Variants in CDK19 observed in about 807,000 individuals in gnomAD.
CDK19 encodes the protein cyclin-dependent kinase 19.
In CDK19, 20 loss-of-function variants were observed where a neutral mutation model predicts 68.3. The observed-to-expected ratio is 0.29, with a 90% CI of 0.21 to 0.43. CDK19 has a LOEUF of 0.43. Among genes scored for constraint, CDK19 ranks in the 20% least tolerant of loss-of-function variants. The pLI is 1.00. For missense variants in CDK19, 339 were observed against 623.5 expected (o/e 0.54, Z 4.86); for synonymous variants, 221 against 222.8 (o/e 0.99, Z 0.07).
At chr6:110,731,327 C>T (rs1465567551) in intron 2 of CDK19, among the ~76,000 whole-genome samples, 4 of 152,226 alleles carry the variant, frequency 2.6e-5, no homozygotes, top group Non-Finnish European at 4.4e-5. Context: ...TGTGGGATCA[C>T]TGGCTGTGAT....
Position 110,796,142 on chromosome 6 carries a change from T to C in CDK19, c.128+18867A>G, listed in dbSNP as rs554508815. Among the ~76,000 whole-genome samples the C allele has an allele frequency of 3.3e-4, 50 of 152,120 alleles. No individual in the cohort carries two copies. In the Middle Eastern group the frequency reaches 0.01, roughly 31 times the overall value. ...TCATGAGGTCAAGAGATCGAGACCA[T>C]CCTGGCCAACATGGAGAAACCCGGT... On this transcript the variant is annotated intron_variant, in intron 1 of 12. Coordinates refer to ENST00000368911, the MANE Select transcript of CDK19 (RefSeq NM_015076.5).
At chr6:110,803,816 G>C (rs1782491419) in intron 1 of CDK19, among the ~76,000 whole-genome samples, 2 of 152,078 alleles carry the variant, frequency 1.3e-5, no homozygotes, top group Non-Finnish European at 2.9e-5. Flanking sequence ...AGAAATGCAA[G>C]AATTAATCAG....
intron 1 of CDK19, among the ~76,000 whole-genome samples, chr6:110,802,338 T>C (rs1025574725): frequency 6.6e-6 from 1 of 152,220 alleles, no homozygotes; most frequent in Non-Finnish European, 1.5e-5. Flanking sequence ...TGGAATACTA[T>C]GCAGCCATAA....
chr6:110,687,789 G>A (rs1273646218), intron 2 of CDK19, among the ~76,000 whole-genome samples: 1 of 152,098 alleles, frequency 6.6e-6, no homozygotes, highest in African/African-American at 2.4e-5. Context: ...AAAGAATCTA[G>A]AAATCACTAA....
intron 1 of CDK19, among the ~76,000 whole-genome samples, chr6:110,765,361 A>G (rs1340171281): frequency 6.8e-6 from 1 of 146,900 alleles, no homozygotes; most frequent in Admixed American, 6.8e-5. Flanking sequence ...CCTGGGTGAC[A>G]GAGTGAGAAT....
chr6:110,721,349 C>A (rs1459618732), intron 2 of CDK19, among the ~76,000 whole-genome samples: 1 of 151,950 alleles, frequency 6.6e-6, no homozygotes, highest in African/African-American at 2.4e-5. Context: ...TGTTAGAGGC[C>A]TTCATTTTTC....
At chr6:110,738,468 C>T (rs746880423) in intron 2 of CDK19, among the ~76,000 whole-genome samples, 1 of 151,874 alleles carries the variant, frequency 6.6e-6, no homozygotes, top group Non-Finnish European at 1.5e-5. Context: ...TGCAGTGAGC[C>T]GAGATCGCGC....
intron 2 of CDK19, among the ~76,000 whole-genome samples, chr6:110,677,777 C>T (rs565887471): frequency 6.6e-6 from 1 of 152,092 alleles, no homozygotes; most frequent in Non-Finnish European, 1.5e-5. Context: ...AATGTTTTAA[C>T]TGTTTGCATC....
chr6:110,635,892 G>A (rs1779747246), intron 5 of CDK19, among the ~76,000 whole-genome samples: 1 of 152,168 alleles, frequency 6.6e-6, no homozygotes, highest in South Asian at 2.1e-4. Context: ...ATTAGGCATA[G>A]GCATTGGTAT....
At chr6:110,806,543 GAT>G (rs1482084296) in intron 1 of CDK19, among the ~76,000 whole-genome samples, 1 of 152,044 alleles carries the variant, frequency 6.6e-6, no homozygotes, top group African/African-American at 2.4e-5. Context: ...TGCTTACTAG[GAT>G]ATTCACTTCA....
chr6:110,786,113 T>C (rs547298636), intron 1 of CDK19, among the ~76,000 whole-genome samples: 9 of 152,342 alleles, frequency 5.9e-5, no homozygotes, highest in African/African-American at 1.9e-4. Flanking sequence ...TTTCAGTGTC[T>C]GTATCATAGA....
chr6:110,758,212 G>C (rs1778959407), intron 1 of CDK19, among the ~76,000 whole-genome samples: 1 of 151,978 alleles, frequency 6.6e-6, no homozygotes, highest in Non-Finnish European at 1.5e-5. Flanking sequence ...CAACAAAAAG[G>C]AGTTAAAAAG....
chr6:110,685,260 T>C (rs1172810460), intron 2 of CDK19, among the ~76,000 whole-genome samples: 2 of 152,214 alleles, frequency 1.3e-5, no homozygotes, highest in African/African-American at 4.8e-5. Flanking sequence ...AACTAGTATA[T>C]ACACAGGTGC....
chr6:110,758,040 A>T (rs1025486261), intron 1 of CDK19, among the ~76,000 whole-genome samples: 2 of 151,996 alleles, frequency 1.3e-5, no homozygotes, highest in East Asian at 1.9e-4. Context: ...AAAAATTTAA[A>T]AATTGGCTGT....
intron 1 of CDK19, among the ~76,000 whole-genome samples, chr6:110,790,794 T>C (rs1048142398): frequency 6.6e-6 from 1 of 152,130 alleles, no homozygotes; most frequent in Non-Finnish European, 1.5e-5. Context: ...TTTATAATAA[T>C]AAAAAGTTAT....
chr6:110,754,804 A>C (rs996223442), intron 1 of CDK19, among the ~76,000 whole-genome samples: 22 of 152,124 alleles, frequency 1.4e-4, no homozygotes, highest in Admixed American at 3.9e-4. Flanking sequence ...TATAGAAAAC[A>C]TTATCTTACT....
intron 2 of CDK19, among the ~76,000 whole-genome samples, chr6:110,726,341 AGAAAG>A (rs1445351728): frequency 6.6e-6 from 1 of 152,206 alleles, no homozygotes; most frequent in Non-Finnish European, 1.5e-5. Flanking sequence ...CCAGAAAATC[AGAAAG>A]GAAAGGACAC....
At chr6:110,644,381 G>C (rs1780407344) in intron 4 of CDK19, among the ~76,000 whole-genome samples, 1 of 152,042 alleles carries the variant, frequency 6.6e-6, no homozygotes, top group Non-Finnish European at 1.5e-5. Flanking sequence ...GTAGGGGCAG[G>C]AGAGAGGAGG....
intron 1 of CDK19, among the ~76,000 whole-genome samples, chr6:110,807,669 A>T (rs1375222976): frequency 6.6e-6 from 1 of 152,142 alleles, no homozygotes; most frequent in African/African-American, 2.4e-5. Flanking sequence ...GCTGTTGGCA[A>T]GGCTGGCCTT....
Sources: allele counts gnomAD v4.1 joint callset (sites outside exome capture counted in the v4.1 genomes callset), GRCh38; gene constraint gnomAD v4.1.1; transcripts MANE v1.5; gene names NCBI Gene and HGNC (gene_info 2026-07-23, HGNC 2026-07-21).